The following GABRB3 variants were observed in gnomAD, a reference collection of about 807,000 sequenced individuals.
GABRB3 encodes the protein gamma-aminobutyric acid receptor subunit beta-3.
Under a neutral mutation model 52.1 loss-of-function variants are expected in GABRB3, and 14 were observed. The observed-to-expected ratio is 0.27, with a 90% CI of 0.18 to 0.42. The LOEUF (loss-of-function observed/expected upper bound fraction) is 0.42, where lower values mean the gene tolerates loss of function less well. Among genes scored for constraint, GABRB3 ranks in the 10% least tolerant of loss-of-function variants. The pLI, the probability that GABRB3 is intolerant of heterozygous loss-of-function variation, is 1.00. For missense variants in GABRB3, 307 were observed against 609.1 expected, an observed-to-expected ratio of 0.50 and a Z score of 5.22; for synonymous variants, 260 against 232.3, an observed-to-expected ratio of 1.12 and a Z score of -1.08.
Position 26,639,757 on chromosome 15 carries a change from C to T in GABRB3, c.241-18223G>A, listed in dbSNP as rs1383925343. Among the ~76,000 whole-genome samples, 5 of 152,290 alleles carry T rather than the reference C, an allele frequency of 3.3e-5. 1 individual carries two copies. Among genetic ancestry groups the T allele is most frequent in the Middle Eastern group, 3.4e-3 (1 of 294 alleles). On this transcript the variant is annotated intron_variant, in intron 3 of 8. Transcript: ENST00000311550. ...TGAAATTCAGACATGCCAGTACATT[C>T]GATTTCTTTAAGCTGTTGGGTAATG...
At chr15:26,765,588 C>A (rs963339764) in intron 3 of GABRB3, among the ~76,000 whole-genome samples, 1 of 151,936 alleles carries the variant, frequency 6.6e-6, no homozygotes, top group Non-Finnish European at 1.5e-5. Context: ...TTTGTTTATT[C>A]TTCATTCATA....
intron 8 of GABRB3, among the ~76,000 whole-genome samples, chr15:26,552,937 G>A (rs1366293561): frequency 6.6e-6 from 1 of 152,156 alleles, no homozygotes; most frequent in Non-Finnish European, 1.5e-5. Flanking sequence ...CACCAAATAT[G>A]TCTGATTTTG....
intron 3 of GABRB3, among the ~76,000 whole-genome samples, chr15:26,661,487 AG>A (rs1887549419): frequency 1.3e-5 from 2 of 152,154 alleles, no homozygotes; most frequent in Admixed American, 1.3e-4. Context: ...TGTCTACACG[AG>A]GCATCCCTTT....
At position 26,561,346 on chromosome 15, in the gene GABRB3, C is replaced by T. The variant is rs1284630203; in HGVS notation, c.836-170G>A. Among the ~76,000 whole-genome samples, 4 of 152,240 alleles carry T rather than the reference C, an allele frequency of 2.6e-5. No homozygotes were observed. In the South Asian group the frequency reaches 6.2e-4, roughly 24 times the overall value. On this transcript the variant is annotated intron_variant, in intron 7 of 8. Transcript: ENST00000311550. ...CATACATCTTGTCATTTGCACCGCA[C>T]GTCACCACTCAGAACAGCAAGCTGA...
intron 3 of GABRB3, among the ~76,000 whole-genome samples, chr15:26,635,004 A>ATT (rs1893015153): frequency 2.0e-4 from 1 of 4,964 alleles, no homozygotes; most frequent in African/African-American, 2.4e-4. Flanking sequence ...ATATATATAT[A>ATT]TATATAATAT....
At chr15:26,660,840 G>C (rs941248717) in intron 3 of GABRB3, among the ~76,000 whole-genome samples, 2 of 152,158 alleles carry the variant, frequency 1.3e-5, no homozygotes, top group South Asian at 2.1e-4. Flanking sequence ...GTTTGGTTTG[G>C]GGGGGCAAGG....
chr15:26,646,874 T>C (rs11161325), intron 3 of GABRB3, among the ~76,000 whole-genome samples: 37,699 of 152,048 alleles, frequency 0.25, 5,926 homozygotes, highest in East Asian at 0.82. Flanking sequence ...GATGGAGTCT[T>C]GCTCTGTCGC....
rs147004432 is a variant in GABRB3 at position 26,667,789 on chromosome 15, G to A, written c.241-46255C>T. On this transcript the variant is annotated intron_variant, in intron 3 of 8. Transcript: ENST00000311550. ...GTTTATTCAGAAACTCTGGGGCTGG[G>A]ATGCAGCCAGCTGTGTCGAAACAAT... Among the ~76,000 whole-genome samples the A allele has an allele frequency of 5.9e-3, 895 of 152,258 alleles. 6 individuals carry two copies. The highest frequency in any genetic ancestry group is 0.024 in the Middle Eastern group (7 of 294).
intron 4 of GABRB3, among the ~76,000 whole-genome samples, chr15:26,591,271 T>G (rs1891194826): frequency 6.6e-6 from 1 of 152,196 alleles, no homozygotes; most frequent in Non-Finnish European, 1.5e-5. Context: ...TCAACACAAG[T>G]AACTGCAAAC....
chr15:26,652,741 T>G (rs535106632), intron 3 of GABRB3, among the ~76,000 whole-genome samples: 3 of 152,256 alleles, frequency 2.0e-5, no homozygotes, highest in Non-Finnish European at 4.4e-5. Flanking sequence ...GACCACTGAG[T>G]TGTACCCTAA....
At chr15:26,671,575 T>C (rs1306762360) in intron 3 of GABRB3, among the ~76,000 whole-genome samples, 3 of 152,164 alleles carry the variant, frequency 2.0e-5, no homozygotes, top group African/African-American at 7.2e-5. Flanking sequence ...ATAAGGGAGT[T>C]GTGTGCTTTA....
chr15:26,751,461 G>A (rs1278381397), intron 3 of GABRB3, among the ~76,000 whole-genome samples: 3 of 152,056 alleles, frequency 2.0e-5, no homozygotes, highest in Admixed American at 1.3e-4. Context: ...GATTTCCTTC[G>A]TTAAAAAAGG....
intron 3 of GABRB3, among the ~76,000 whole-genome samples, chr15:26,664,704 G>GTTTTTTTTTTTTTTTTTTTTTTT (rs1162139952): frequency 1.1e-5 from 1 of 95,224 alleles, no homozygotes. Context: ...TCTTTTCTTT[G>GTTTTTTTTTTTTTTTTTTTTTTT]TTTTTTTTTT....
intron 8 of GABRB3, among the ~76,000 whole-genome samples, chr15:26,557,091 T>C (rs1179670615): frequency 1.3e-5 from 2 of 152,128 alleles, no homozygotes; most frequent in Non-Finnish European, 2.9e-5. Flanking sequence ...TGGAATACTA[T>C]GCAGCCATAA....
intron 3 of GABRB3, among the ~76,000 whole-genome samples, chr15:26,742,954 G>A (rs1890249170): frequency 9.6e-6 from 1 of 104,554 alleles, no homozygotes; most frequent in Admixed American, 1.5e-4. Context: ...TTTTGAGACA[G>A]AGTCTCGCTA....
chr15:26,666,210 T>C (rs1887705774), intron 3 of GABRB3, among the ~76,000 whole-genome samples: 1 of 152,194 alleles, frequency 6.6e-6, no homozygotes, highest in Non-Finnish European at 1.5e-5. Flanking sequence ...ATTGTTCAGA[T>C]GAAAGCATTA....
chr15:26,762,105 T>C (rs1890838167), intron 3 of GABRB3, among the ~76,000 whole-genome samples: 1 of 152,190 alleles, frequency 6.6e-6, no homozygotes, highest in Admixed American at 6.5e-5. Flanking sequence ...GTGCTGGGAT[T>C]ACGGGCATAA....
At chr15:26,580,771 T>C (rs1296316728) in intron 5 of GABRB3, 1 of 425,022 alleles carries the variant, frequency 2.4e-6, no homozygotes, top group African/African-American at 2.0e-5. Flanking sequence ...ATTTAAAATG[T>C]ATCTCAACTG....
intron 4 of GABRB3, among the ~76,000 whole-genome samples, chr15:26,606,820 A>AGATATATCTATC (rs1566770844): frequency 1.2e-4 from 2 of 16,150 alleles, no homozygotes; most frequent in Admixed American, 5.9e-4. Context: ...ATAGATAGAT[A>AGATATATCTATC]GATAGATAGA....
Sources: allele counts gnomAD v4.1 joint callset (sites outside exome capture counted in the v4.1 genomes callset), GRCh38; gene constraint gnomAD v4.1.1; transcripts MANE v1.5; gene names NCBI Gene and HGNC (gene_info 2026-07-23, HGNC 2026-07-21).